The following MRPL37 variants were observed in gnomAD, a reference collection of about 807,000 sequenced individuals.
The protein encoded by MRPL37 is mitochondrial ribosomal protein L37.
A neutral mutation model predicts 44.1 loss-of-function variants in MRPL37; 34 were observed. That is an observed-to-expected ratio of 0.77 (90% CI 0.59 to 1.03). The LOEUF (loss-of-function observed/expected upper bound fraction) is 1.03, where lower values mean the gene tolerates loss of function less well. Among genes scored for constraint, MRPL37 ranks in the 50% least tolerant of loss-of-function variants. MRPL37 has a pLI of 0.00. For synonymous variants in MRPL37, 212 were observed against 219.5 expected, an observed-to-expected ratio of 0.97 and a Z score of 0.30; for missense variants, 532 against 543.7, an observed-to-expected ratio of 0.98 and a Z score of 0.21.
At chr1:54,214,854 T>C (rs1465145060) in intron 5 of MRPL37, among the ~76,000 whole-genome samples, 1 of 152,256 alleles carries the variant, frequency 6.6e-6, no homozygotes, top group Non-Finnish European at 1.5e-5. Flanking sequence ...TAAGAGTCAA[T>C]ACAGAATTCT....
chr1:54,212,162 A>G (rs1216785716), intron 4 of MRPL37, among the ~76,000 whole-genome samples: 1 of 152,270 alleles, frequency 6.6e-6, no homozygotes, highest in African/African-American at 2.4e-5. Context: ...GGCAGCACCT[A>G]TAACAGGTTG....
At chr1:54,204,107 G>A (rs1367340073) in intron 1 of MRPL37, among the ~76,000 whole-genome samples, 1 of 152,170 alleles carries the variant, frequency 6.6e-6, no homozygotes, top group Non-Finnish European at 1.5e-5. Context: ...AACAAGCCAG[G>A]CACAGTGGCT....
intron 3 of MRPL37, among the ~76,000 whole-genome samples, chr1:54,209,138 C>G (rs1644145961): frequency 6.6e-6 from 1 of 152,244 alleles, no homozygotes; most frequent in Non-Finnish European, 1.5e-5. Context: ...GTAGCACTCA[C>G]TACCTGGTGG....
chr1:54,202,525 C>T (rs764820933), intron 1 of MRPL37, among the ~76,000 whole-genome samples: 3 of 150,714 alleles, frequency 2.0e-5, no homozygotes, highest in Non-Finnish European at 4.4e-5. Flanking sequence ...TTTTTTCTTT[C>T]GACAGAATCT....
intron 6 of MRPL37, among the ~76,000 whole-genome samples, chr1:54,216,622 T>A (rs552315898): frequency 1.1e-4 from 17 of 152,296 alleles, no homozygotes; most frequent in Admixed American, 4.6e-4. Flanking sequence ...CTGGCCTTTG[T>A]AGGTGCTGCT....
At chr1:54,201,524 G>A (rs1290378493) in intron 1 of MRPL37, among the ~76,000 whole-genome samples, 1 of 152,190 alleles carries the variant, frequency 6.6e-6, no homozygotes, top group Non-Finnish European at 1.5e-5. Context: ...TATTTTAGAC[G>A]TTAAGATTAC....
chr1:54,207,440 T>C (rs1273021299), intron 3 of MRPL37: 2 of 152,178 alleles, frequency 1.3e-5, no homozygotes, highest in South Asian at 4.1e-4. Context: ...GATCTGGGAT[T>C]TCAGGACATC....
At chr1:54,220,146 C>T (rs610396), downstream of MRPL37, among the ~76,000 whole-genome samples, 37,295 of 151,800 alleles carry the variant, frequency 0.25, 4,685 homozygotes, top group South Asian at 0.31. Context: ...GAGGCCACTG[C>T]GGGGATCCTG....
At chr1:54,207,202 G>C (rs780168700) in intron 3 of MRPL37, among the ~76,000 whole-genome samples, 2 of 152,156 alleles carry the variant, frequency 1.3e-5, no homozygotes, top group Non-Finnish European at 2.9e-5. Flanking sequence ...TGTATTGTCA[G>C]TATCTACTGT....
At chr1:54,203,605 C>T (rs1030903601) in intron 1 of MRPL37, among the ~76,000 whole-genome samples, 4 of 151,472 alleles carry the variant, frequency 2.6e-5, no homozygotes, top group Non-Finnish European at 4.4e-5. Context: ...TCCCAGGTAG[C>T]TGGGACTTCG....
rs1247228611 is a variant in MRPL37, at chr1:54,200,500, G to A, written c.257G>A (p.Arg86Lys). ...PPWDRGYKDP[R>K]FYRSPPLHEH... ...TGGGACCGCGGCTACAAGGACCCAA[G>A]GTTCTACCGCTCGCCCCCTCTTCAC... The change falls in exon 1 of 7, where the codon AGG becomes AAG. Residue 86 changes from arginine to lysine, a missense_variant. By Grantham distance (26) the Arg-to-Lys change is conservative. Coordinates refer to ENST00000360840, the MANE Select transcript of MRPL37 (RefSeq NM_016491.4). 1.2e-6 allele frequency: 2 copies of A among 1,614,218 alleles called. No homozygotes were observed. The highest frequency in any genetic ancestry group is 2.2e-5 in the East Asian group (1 of 44,892).
chr1:54,200,281 C>T lies in MRPL37; in HGVS notation c.38C>T (p.Ala13Val). ...LASGPARRALAGSGQLGLGGF... is the reference protein window; with the variant it reads ...LASGPARRALVGSGQLGLGGF... ...TCCGGGCCCGCAAGGCGGGCGCTAG[C>T]TGGCTCCGGGCAGCTCGGCCTTGGG... is the stretch of plus-strand genomic sequence containing the variant. Residue 13 changes from alanine to valine, a missense_variant, in exon 1 of 7, where the codon GCT becomes GTT. By Grantham distance (64) the Ala-to-Val change is moderately conservative (BLOSUM62 0). Transcript: ENST00000360840. 1 of 1,603,894 alleles carries T rather than the reference C, an allele frequency of 6.2e-7. No individual in the cohort carries two copies. The highest frequency in any genetic ancestry group is 2.2e-5 in the East Asian group (1 of 44,696).
downstream of MRPL37, among the ~76,000 whole-genome samples, chr1:54,224,405 C>G (rs547219713): frequency 5.9e-5 from 9 of 152,340 alleles, no homozygotes; most frequent in South Asian, 1.9e-3. Flanking sequence ...GCTCTTAGTC[C>G]GTGCACGGCA....
At position 54,216,168 on chromosome 1, in the gene MRPL37, G is replaced by T. The variant is rs184402036; in HGVS notation, c.1018G>T (p.Val340Leu). Residue 340 changes from valine to leucine, a missense_variant, in exon 6 of 7, where the codon GTG becomes TTG. Transcript: ENST00000360840. ...GNDAKVLEQP[V>L]VVQSVGTDGR... ...TGATGCCAAGGTCTTGGAGCAGCCC[G>T]TGGTGGTGCAGAGCGTGGGCACGGA... The T allele has an allele frequency of 1.2e-6, 2 of 1,614,230 alleles. No homozygotes were observed. Among genetic ancestry groups the T allele is most frequent in the South Asian group, 1.1e-5 (1 of 91,082 alleles).
At position 54,200,266 on chromosome 1, in the gene MRPL37, CAAGGCGGGCGCTAGCT is replaced by C. The variant is rs1463201679; in HGVS notation, c.24_39del (p.Arg9AlafsTer104). The C allele has an allele frequency of 1.0e-5, 16 of 1,596,604 alleles. No individual in the cohort carries two copies. The highest frequency in any genetic ancestry group is 1.4e-5 in the Non-Finnish European group (16 of 1,173,504). ...GGTATGGCATTGGCGTCCGGGCCCGCAAGGCGGGCGCTAGCTGGCTCCGGGCAGCTCGGCCTTGGGG... is the reference window on the plus strand; with the variant it reads ...GGTATGGCATTGGCGTCCGGGCCCGCGGCTCCGGGCAGCTCGGCCTTGGGG... On this transcript the variant is annotated frameshift_variant, in exon 1 of 7. Coordinates refer to ENST00000360840, the MANE Select transcript of MRPL37 (RefSeq NM_016491.4). LOFTEE classifies it high-confidence loss of function.
At chr1:54,221,172 G>C (rs1644231195), downstream of MRPL37, among the ~76,000 whole-genome samples, 1 of 152,130 alleles carries the variant, frequency 6.6e-6, no homozygotes, top group African/African-American at 2.4e-5. Flanking sequence ...GTGGAAAGGT[G>C]GACTTGCTGG....
downstream of MRPL37, chr1:54,225,242 C>T: frequency 8.1e-7 from 1 of 1,234,338 alleles, no homozygotes; most frequent in Non-Finnish European, 1.0e-6. Flanking sequence ...CCCAACCCAC[C>T]TTCCGCCAAG....
downstream of MRPL37, chr1:54,220,984 C>A: frequency 2.7e-6 from 1 of 371,402 alleles, no homozygotes; most frequent in Non-Finnish European, 5.6e-6. Context: ...CTAATTTGGC[C>A]TGGGGGAAAG....
chr1:54,219,244 C>T (rs1027137282), downstream of MRPL37, among the ~76,000 whole-genome samples: 4 of 152,198 alleles, frequency 2.6e-5, no homozygotes, highest in African/African-American at 7.2e-5. Flanking sequence ...GGACCTTGGG[C>T]GAGGTGGCTT....
Sources: gnomAD v4.1 joint callset for allele counts (sites outside exome capture counted in the v4.1 genomes callset) on GRCh38, gnomAD v4.1.1 for gene constraint, MANE v1.5 for transcripts, NCBI Gene and HGNC (gene_info 2026-07-23, HGNC 2026-07-21) for gene names.